Variants in POGLUT3 observed in about 807,000 individuals in gnomAD.
The protein encoded by POGLUT3 is KDEL (Lys-Asp-Glu-Leu) containing 2.
Under a neutral mutation model 54.3 loss-of-function variants are expected in POGLUT3, and 48 were observed. The observed-to-expected ratio is 0.88, with a 90% CI of 0.70 to 1.12. POGLUT3 has a LOEUF of 1.12. POGLUT3 is among the 50% of genes most tolerant of loss of function. The probability of loss-of-function intolerance (pLI) is 0.00; values close to 1 mark genes in which losing one functional copy is unlikely to be tolerated. For missense variants in POGLUT3, 629 were observed against 618.7 expected (o/e 1.02, Z -0.18); for synonymous variants, 218 against 237.4 (o/e 0.92, Z 0.75).
Position 108,491,168 on chromosome 11 carries a change from C to T in POGLUT3, c.203-1G>A. On this transcript the variant is annotated splice_acceptor_variant, in intron 1 of 7. Coordinates refer to ENST00000323468, the MANE Select transcript of POGLUT3 (RefSeq NM_153705.5). LOFTEE classifies it high-confidence loss of function. Reference sequence around the variant, plus strand: ...ACTACGACTTTGAATGGTGTTTCACCTAAAAGGAAAAGAAATATAAACAAC... The same window carrying T: ...ACTACGACTTTGAATGGTGTTTCACTTAAAAGGAAAAGAAATATAAACAAC... 4 of 1,388,532 alleles carry T rather than the reference C, an allele frequency of 2.9e-6. No homozygotes were observed. The highest frequency in any genetic ancestry group is 4.0e-6 in the Non-Finnish European group (4 of 999,278). 86.0% of individuals were successfully genotyped at this position (1,388,532 alleles called of 1,614,324 possible).
chr11:108,498,128 G>A (rs1436327238), intron 1 of POGLUT3, 37 bp downstream of exon 1: 3 of 1,473,310 alleles, frequency 2.0e-6, no homozygotes, highest in Non-Finnish European at 2.7e-6. Context: ...GCGGGGACCC[G>A]GCCGCGGGAC....
intron 7 of POGLUT3, 104 bp from the exon 8 acceptor site, chr11:108,475,056 G>A: frequency 8.0e-7 from 1 of 1,251,032 alleles, no homozygotes; most frequent in Non-Finnish European, 1.1e-6. Flanking sequence ...TCTAGTTGCT[G>A]TGTGTCTGCA....
rs1222186228 is a variant in POGLUT3 at position 108,479,385 on chromosome 11, G to GA, written c.1208dup (p.Tyr404LeufsTer14). 2 of 1,612,636 alleles carry GA rather than the reference G, an allele frequency of 1.2e-6. No individual in the cohort carries two copies. Among genetic ancestry groups the GA allele is most frequent in the Non-Finnish European group, 1.7e-6 (2 of 1,179,608 alleles). Reference sequence around the variant, plus strand: ...GCTTCCAAGGTTCTAGTGCCATGTAGAAATGTTCATAATATGGCGAGTCCT... The same window carrying GA: ...GCTTCCAAGGTTCTAGTGCCATGTAGAAAATGTTCATAATATGGCGAGTCCT... On this transcript the variant is annotated frameshift_variant, in exon 6 of 8. Coordinates refer to ENST00000323468, the MANE Select transcript of POGLUT3 (RefSeq NM_153705.5). LOFTEE classifies it high-confidence loss of function.
At position 108,498,241 on chromosome 11, in the gene POGLUT3, G is replaced by T; in HGVS notation, c.126C>A (p.Ala42=). The change falls in exon 1 of 8, where the codon GCC becomes GCA. Residue 42 remains alanine (A), a synonymous_variant. Transcript: ENST00000323468. ...SLVWGPGLQA[A]VVLPVRYFYL... ...AGAAATAGCGGACCGGCAGGACGAC[G>T]GCCGCCTGCAGCCCGGGCCCCCACA... The T allele has an allele frequency of 2.0e-6, 3 of 1,510,136 alleles. No homozygotes were observed. The highest frequency in any genetic ancestry group is 2.2e-5 in the Admixed American group (1 of 45,938). 93.5% of individuals were successfully genotyped at this position (1,510,136 alleles called of 1,614,324 possible). A position where few individuals can be genotyped will look rare whatever the true frequency, so the allele number is the denominator to read the frequency against.
chr11:108,484,849 G>A (rs747289557), intron 3 of POGLUT3, among the ~76,000 whole-genome samples: 2 of 152,128 alleles, frequency 1.3e-5, no homozygotes, highest in African/African-American at 2.4e-5. Context: ...CCTTCACCCT[G>A]TATGATCAGA....
rs1274754851 is a variant in POGLUT3, at chr11:108,498,152, G to A, written c.202+13C>T. On this transcript the variant is annotated intron_variant, in intron 1 of 7. Coordinates refer to ENST00000323468, the MANE Select transcript of POGLUT3 (RefSeq NM_153705.5). ...CGGCCGCGGGACGAGGGAGGCCGGC[G>A]GCTGGACACTACCTGCGGGAGAGCG... 3 of 1,502,980 alleles carry A rather than the reference G, an allele frequency of 2.0e-6. No homozygotes were observed. The highest frequency in any genetic ancestry group is 2.2e-5 in the Admixed American group (1 of 44,890). The allele number at this position is 1,502,980 out of a possible 1,614,324, so 93.1% of individuals were successfully genotyped here. A position where few individuals can be genotyped will look rare whatever the true frequency, so the allele number is the denominator to read the frequency against.
rs1295589498 is a variant in POGLUT3, at chr11:108,494,989, G to A, written c.202+3176C>T. Among the ~76,000 whole-genome samples the A allele has an allele frequency of 2.6e-5, 4 of 152,248 alleles. No individual in the cohort carries two copies. The East Asian group carries it at 5.8e-4, about 22-fold the overall frequency. The stretch of plus-strand genomic sequence containing the variant: ...GTTCTTCCCCCCACCCAAGGACAAA[G>A]ACCCTATAATTTCTGTTTGTGAACC... On this transcript the variant is annotated intron_variant, in intron 1 of 7. Transcript: ENST00000323468.
At chr11:108,484,615 C>A (rs1357614901) in intron 3 of POGLUT3, among the ~76,000 whole-genome samples, 2 of 152,082 alleles carry the variant, frequency 1.3e-5, no homozygotes, top group Non-Finnish European at 2.9e-5. Flanking sequence ...AAAAATTAGC[C>A]AGGCATGGCG....
chr11:108,497,944 G>A (rs2093625214), intron 1 of POGLUT3, among the ~76,000 whole-genome samples: 1 of 152,222 alleles, frequency 6.6e-6, no homozygotes, highest in African/African-American at 2.4e-5. Flanking sequence ...AAATGCGGAA[G>A]GGCCCTTCAA....
Position 108,474,810 on chromosome 11 carries a change from T to C in POGLUT3, c.*17A>G, listed in dbSNP as rs1168181243. On this transcript the variant is annotated 3_prime_UTR_variant, in exon 8 of 8. Coordinates refer to ENST00000323468, the MANE Select transcript of POGLUT3 (RefSeq NM_153705.5). ...AAAGTGTAGCCGGGATACACAGGAGTGTGATTCTGGGCTGACTCAAAGTTC... is the reference window on the plus strand; with the variant it reads ...AAAGTGTAGCCGGGATACACAGGAGCGTGATTCTGGGCTGACTCAAAGTTC... 6.2e-7 allele frequency: 1 copy of C among 1,613,530 alleles called. No homozygotes were observed. Among genetic ancestry groups the C allele is most frequent in the Admixed American group, 1.7e-5 (1 of 59,958 alleles).
Position 108,490,282 on chromosome 11 carries a change from C to G in POGLUT3, c.400+688G>C, listed in dbSNP as rs1485998492. ...ATGTGATCTTGGCTCACTGCAACCT[C>G]CACCTCCCGGGTTCAAGCGATTCTC... is the stretch of plus-strand genomic sequence containing the variant. On this transcript the variant is annotated intron_variant, in intron 2 of 7. Transcript: ENST00000323468. Among the ~76,000 whole-genome samples the G allele has an allele frequency of 3.3e-5, 5 of 152,226 alleles. No homozygotes were observed. In the East Asian group the frequency reaches 7.7e-4, roughly 24 times the overall value.
intron 7 of POGLUT3, 96 bp downstream of exon 7, chr11:108,477,511 G>GT (rs1425481127): frequency 9.6e-6 from 7 of 726,590 alleles, no homozygotes; most frequent in Non-Finnish European, 1.7e-5. Context: ...AGGCTTGACT[G>GT]TGAGTCCTTC....
chr11:108,488,463 G>C (rs2093607582), intron 2 of POGLUT3, among the ~76,000 whole-genome samples: 1 of 152,168 alleles, frequency 6.6e-6, no homozygotes, highest in African/African-American at 2.4e-5. Flanking sequence ...TACAGGGAGG[G>C]GGACTGTAGG....
rs764968041 is a variant in POGLUT3 at position 108,498,215 on chromosome 11, T to G, written c.152A>C (p.Tyr51Ser). The G allele has an allele frequency of 7.9e-6, 12 of 1,519,294 alleles. No homozygotes were observed. In the South Asian group the frequency reaches 1.4e-4, roughly 17 times the overall value. The allele number at this position is 1,519,294 out of a possible 1,614,324, so 94.1% of individuals were successfully genotyped here. ...AAVVLPVRYF[Y>S]LQAVNSEGQN... Reference sequence around the variant, plus strand: ...GCCCTCCGAGTTGACCGCCTGCAGGTAGAAATAGCGGACCGGCAGGACGAC... The same window carrying G: ...GCCCTCCGAGTTGACCGCCTGCAGGGAGAAATAGCGGACCGGCAGGACGAC... The change falls in exon 1 of 8, where the codon TAC becomes TCC. Residue 51 changes from tyrosine to serine, a missense_variant. Tyr to Ser is a moderately radical substitution (Grantham distance 144). Coordinates refer to ENST00000323468, the MANE Select transcript of POGLUT3 (RefSeq NM_153705.5).
intron 7 of POGLUT3, among the ~76,000 whole-genome samples, chr11:108,475,223 C>T (rs1378986404): frequency 1.3e-5 from 2 of 152,162 alleles, no homozygotes; most frequent in Non-Finnish European, 2.9e-5. Context: ...CCAAGCCAGA[C>T]GTCCCTACCT....
chr11:108,498,351 G>A lies in POGLUT3; in HGVS notation c.16C>T (p.Arg6Trp). 7.5e-7 allele frequency: 1 copy of A among 1,324,622 alleles called. No individual in the cohort carries two copies. Among genetic ancestry groups the A allele is most frequent in the East Asian group, 3.2e-5 (1 of 30,984 alleles). The allele number at this position is 1,324,622 out of a possible 1,614,324, so 82.1% of individuals were successfully genotyped here. Residue 6 changes from arginine (R) to tryptophan (W), a missense_variant, in exon 1 of 8, where the codon CGG becomes TGG. By Grantham distance (101) the Arg-to-Trp change is moderately radical. Coordinates refer to ENST00000323468, the MANE Select transcript of POGLUT3 (RefSeq NM_153705.5). MRRLP[R>W]ALLLQLRLAL... The stretch of plus-strand genomic sequence containing the variant: ...AGGCGCAGCTGCAGCAGCAGGGCCC[G>A]CGGGAGGCGGCGCATGGTCGGCGGG...
chr11:108,475,612 C>T (rs143966674), intron 7 of POGLUT3, among the ~76,000 whole-genome samples: 1 of 151,812 alleles, frequency 6.6e-6, no homozygotes, highest in East Asian at 1.9e-4. Context: ...GGACTACAGG[C>T]GCGTACCACC....
At chr11:108,480,565 C>T (rs1178389206) in intron 5 of POGLUT3, among the ~76,000 whole-genome samples, 3 of 152,152 alleles carry the variant, frequency 2.0e-5, no homozygotes, top group African/African-American at 7.2e-5. Flanking sequence ...AGGACACACT[C>T]CCAGATTTGG....
intron 3 of POGLUT3, 119 bp from the exon 4 acceptor site, chr11:108,482,341 AAG>A (rs1358862295): frequency 3.1e-6 from 2 of 650,858 alleles, no homozygotes; most frequent in East Asian, 5.5e-5. Flanking sequence ...AAAAACAGAG[AAG>A]AGAGAAGAAT....
Sources: gnomAD v4.1 joint callset for allele counts (sites outside exome capture counted in the v4.1 genomes callset) on GRCh38, gnomAD v4.1.1 for gene constraint, MANE v1.5 for transcripts, NCBI Gene and HGNC (gene_info 2026-07-23, HGNC 2026-07-21) for gene names.